FBN1: variants seen among roughly 807,000 people sequenced by gnomAD.
The protein encoded by FBN1 is fibrillin-1.
In FBN1, 29 loss-of-function variants were observed where a neutral mutation model predicts 365.1. The ratio of observed to expected loss-of-function variants is 0.08; its 90% confidence interval spans 0.06 to 0.11. FBN1 has a LOEUF of 0.11. FBN1 is among the 10% of genes least tolerant of loss of function. The pLI, the probability that FBN1 is intolerant of heterozygous loss-of-function variation, is 1.00. For missense variants in FBN1, 2,476 were observed against 3,703.2 expected, an observed-to-expected ratio of 0.67 and a Z score of 8.60; for synonymous variants, 1,210 against 1,270.5, an observed-to-expected ratio of 0.95 and a Z score of 1.01.
At position 48,444,587 on chromosome 15, in the gene FBN1, T is replaced by A; in HGVS notation, c.5991A>T (p.Arg1997Ser). 1 of 1,613,662 alleles carries A rather than the reference T, an allele frequency of 6.2e-7. No homozygotes were observed. Among genetic ancestry groups the A allele is most frequent in the Non-Finnish European group, 8.5e-7 (1 of 1,179,710 alleles). The change falls in exon 49 of 66, where the codon AGA (arginine) becomes AGT (serine). Residue 1997 changes from arginine (R) to serine (S), a missense_variant. By Grantham distance (110) the Arg-to-Ser change is moderately radical. Transcript: ENST00000316623. Reference protein sequence around the residue: ...GTCQNLDGSYRCICPPGYSLQ... With the variant: ...GTCQNLDGSYSCICPPGYSLQ... The stretch of plus-strand genomic sequence containing the variant: ...GACTGTATCCAGGTGGGCAAATGCA[T>A]CTGTAGGACCCATCCAAGTTTTGAC...
intron 15 of FBN1, among the ~76,000 whole-genome samples, chr15:48,506,414 G>C (rs945709313): frequency 8.5e-5 from 13 of 152,206 alleles, no homozygotes; most frequent in African/African-American, 2.9e-4. Context: ...AAGGTTCTGT[G>C]TACAGATTGT....
chr15:48,488,062 G>A, intron 27 of FBN1, 51 bp downstream of exon 27: 2 of 1,613,046 alleles, frequency 1.2e-6, no homozygotes, highest in Non-Finnish European at 1.7e-6. Context: ...AGCCATCAAA[G>A]CTTCATGGAA....
intron 9 of FBN1, 60 bp from the exon 10 acceptor site, chr15:48,520,877 C>A (rs2043848792): frequency 3.1e-6 from 5 of 1,607,802 alleles, no homozygotes; most frequent in Non-Finnish European, 3.4e-6. Context: ...TGTAACAACA[C>A]TCCCCTGCCC....
At chr15:48,620,108 G>A (rs1889738307) in intron 2 of FBN1, among the ~76,000 whole-genome samples, 1 of 152,184 alleles carries the variant, frequency 6.6e-6, no homozygotes, top group African/African-American at 2.4e-5. Flanking sequence ...ATGAACCCCA[G>A]ACAACATAAA....
intron 10 of FBN1, among the ~76,000 whole-genome samples, chr15:48,518,453 G>A (rs1056689406): frequency 3.3e-5 from 5 of 152,172 alleles, no homozygotes. Flanking sequence ...GCATTTGTAG[G>A]TACCAATTCG....
intron 30 of FBN1, among the ~76,000 whole-genome samples, chr15:48,484,506 G>A (rs888573936): frequency 2.0e-5 from 3 of 151,912 alleles, no homozygotes; most frequent in African/African-American, 7.3e-5. Flanking sequence ...CAAGTAGCTG[G>A]GATTACAGGC....
chr15:48,431,358 C>T lies in FBN1; in HGVS notation c.6740-556G>A, dbSNP rs192360466. ...TCAAGTGATCCACCCACCTCAGCCT[C>T]CCAAAGTGCTGGGATTACAGGCATG... On this transcript the variant is annotated intron_variant, in intron 55 of 65. Transcript: ENST00000316623. Among the ~76,000 whole-genome samples the T allele has an allele frequency of 1.7e-4, 26 of 152,182 alleles. No individual in the cohort carries two copies. In the East Asian group the frequency reaches 4.8e-3, roughly 28 times the overall value.
chr15:48,523,714 G>GGA (rs1555400790), intron 9 of FBN1, among the ~76,000 whole-genome samples: 1 of 116,578 alleles, frequency 8.6e-6, no homozygotes, highest in African/African-American at 3.0e-5. Flanking sequence ...GGTGGCTGGG[G>GGA]GGGGGGGGGA....
intron 4 of FBN1, among the ~76,000 whole-genome samples, chr15:48,607,324 T>C (rs2044621101): frequency 6.8e-6 from 1 of 147,442 alleles, no homozygotes; most frequent in Non-Finnish European, 1.5e-5. Context: ...TCATATATAA[T>C]TATATATATA....
Position 48,411,310 on chromosome 15 carries a change from A to C in FBN1, c.8296T>G (p.Phe2766Val). 6.2e-7 allele frequency: 1 copy of C among 1,614,156 alleles called. No homozygotes were observed. ...WDVEKTAIFA[F>V]NISHVSNKVR... ...TTGTTACTGACGTGGGAAATATTGA[A>C]AGCAAAGATGGCTGTCTTCTCAACA... Residue 2766 changes from phenylalanine to valine, a missense_variant, in exon 66 of 66, where the codon TTC becomes GTC. This residue lies in a region of FBN1 where 177 missense variants were observed against 192.7 expected (regional missense o/e 0.92). Coordinates refer to ENST00000316623, the MANE Select transcript of FBN1 (RefSeq NM_000138.5).
In FBN1 at chr15:48,434,580, T is replaced by C; in HGVS notation, c.6616+14A>G. ...AGTACACGTAATCAACTGTTCTCTG[T>C]TTAAGAGATGTACCTTCACATGTCA... is the stretch of plus-strand genomic sequence containing the variant. On this transcript the variant is annotated intron_variant, in intron 54 of 65. Coordinates refer to ENST00000316623, the MANE Select transcript of FBN1 (RefSeq NM_000138.5). 1 of 1,613,428 alleles carries C rather than the reference T, an allele frequency of 6.2e-7. No homozygotes were observed. Among genetic ancestry groups the C allele is most frequent in the Non-Finnish European group, 8.5e-7 (1 of 1,179,598 alleles).
intron 65 of FBN1, 140 bp downstream of exon 65, chr15:48,412,427 TAC>T: frequency 1.1e-6 from 1 of 889,036 alleles, no homozygotes; most frequent in Non-Finnish European, 1.9e-6. Flanking sequence ...TCTTGTAAAA[TAC>T]AGCCTAGAGC....
chr15:48,474,462 T>C, intron 33 of FBN1, 66 bp downstream of exon 33: 1 of 1,612,406 alleles, frequency 6.2e-7, no homozygotes, highest in Non-Finnish European at 8.5e-7. Flanking sequence ...CTTTACATAA[T>C]TAATATTTTC....
chr15:48,487,465 G>C, intron 27 of FBN1, 28 bp from the exon 28 acceptor site: 1 of 1,612,022 alleles, frequency 6.2e-7, no homozygotes, highest in Non-Finnish European at 8.5e-7. Context: ...CCATGTTAAA[G>C]GTGGGGGCCT....
chr15:48,563,772 C>T lies in FBN1; in HGVS notation c.539-25964G>A, dbSNP rs560205777. ...CTCCACGTGTGTGCACATCCTACAA[C>T]GATTTGTTTCCCCCTGTTTTCTGGG... is the stretch of plus-strand genomic sequence containing the variant. On this transcript the variant is annotated intron_variant, in intron 6 of 65. Coordinates refer to ENST00000316623, the MANE Select transcript of FBN1 (RefSeq NM_000138.5). Among the ~76,000 whole-genome samples, 9 of 152,306 alleles carry T rather than the reference C, an allele frequency of 5.9e-5. No homozygotes were observed. In the East Asian group the frequency reaches 1.2e-3, roughly 20 times the overall value.
intron 36 of FBN1, 149 bp downstream of exon 36, chr15:48,470,485 G>T: frequency 9.5e-7 from 1 of 1,050,234 alleles, no homozygotes; most frequent in Non-Finnish European, 1.4e-6. Flanking sequence ...ATCAGTTCCA[G>T]GTCTGAGAAA....
At chr15:48,627,030 T>A (rs1597642000) in intron 2 of FBN1, among the ~76,000 whole-genome samples, 1 of 152,308 alleles carries the variant, frequency 6.6e-6, no homozygotes, top group East Asian at 1.9e-4. Flanking sequence ...ACGTCATAAA[T>A]CCCTAATTAA....
At chr15:48,620,426 C>T (rs11854144) in intron 2 of FBN1, among the ~76,000 whole-genome samples, 21,091 of 152,146 alleles carry the variant, frequency 0.14, 1,474 homozygotes, top group Non-Finnish European at 0.15. Flanking sequence ...TAAGTTATTA[C>T]TTTTATCATT....
chr15:48,613,149 G>A (rs2044670480), intron 2 of FBN1, 57 bp from the exon 3 acceptor site: 1 of 1,373,706 alleles, frequency 7.3e-7, no homozygotes. Flanking sequence ...AGGAAGAGAT[G>A]GCCAAATAAA....
Sources: allele counts gnomAD v4.1 joint callset (sites outside exome capture counted in the v4.1 genomes callset), GRCh38; gene constraint gnomAD v4.1.1; regional missense constraint gnomAD v4.1.1; transcripts MANE v1.5; gene names NCBI Gene and HGNC (gene_info 2026-07-23, HGNC 2026-07-21).